SYNE2: variants seen among roughly 807,000 people sequenced by gnomAD.
SYNE2 encodes the protein nesprin-2.
In SYNE2, 431 loss-of-function variants were observed where a neutral mutation model predicts 856.3. That is an observed-to-expected ratio of 0.50 (90% CI 0.47 to 0.55). The LOEUF (loss-of-function observed/expected upper bound fraction) is 0.55. Ranked by LOEUF, SYNE2 falls within the 20% of genes least tolerant of loss-of-function variation. The pLI is 0.00. For synonymous variants in SYNE2, 2,923 were observed against 2,872.3 expected (o/e 1.02, Z -0.56); for missense variants, 8,129 against 8,023.2 (o/e 1.01, Z -0.50).
chr14:63,912,373 C>T (rs1449548267), intron 2 of SYNE2, among the ~76,000 whole-genome samples: 2 of 152,108 alleles, frequency 1.3e-5, no homozygotes, highest in Non-Finnish European at 1.5e-5. Context: ...ACAATATTAT[C>T]TGCATGAAGT....
intron 1 of SYNE2, among the ~76,000 whole-genome samples, chr14:63,803,966 C>G (rs1888260631): frequency 6.6e-6 from 1 of 152,174 alleles, no homozygotes; most frequent in African/African-American, 2.4e-5. Context: ...CTCACAAGAT[C>G]AAGTTGTTTG....
Position 64,152,607 on chromosome 14 carries a change from A to G in SYNE2, c.15683A>G (p.Glu5228Gly), listed in dbSNP as rs747343821. ...QLAIKSKALD[E>G]LKQSYLTLES... ...GCAATTAAATCCAAAGCACTAGATGAGTTGAAACAAAGTTATCTGACTTTG... is the reference window on the plus strand; with the variant it reads ...GCAATTAAATCCAAAGCACTAGATGGGTTGAAACAAAGTTATCTGACTTTG... The change falls in exon 85 of 116, where the codon GAG (glutamate) becomes GGG (glycine). Residue 5228 changes from glutamate (E) to glycine (G), a missense_variant. Coordinates refer to ENST00000555002, the MANE Select transcript of SYNE2 (RefSeq NM_182914.3). The G allele has an allele frequency of 1.2e-6, 2 of 1,614,142 alleles. No homozygotes were observed. Among genetic ancestry groups the G allele is most frequent in the South Asian group, 1.1e-5 (1 of 91,084 alleles).
intron 45 of SYNE2, among the ~76,000 whole-genome samples, chr14:64,044,260 C>A (rs1471560036): frequency 6.6e-6 from 1 of 152,174 alleles, no homozygotes; most frequent in Non-Finnish European, 1.5e-5. Flanking sequence ...TAAAATTTGA[C>A]TGCCACACTT....
At position 64,213,187 on chromosome 14, in the gene SYNE2, C is replaced by G. The variant is rs535087697; in HGVS notation, c.19056+182C>G. Among the ~76,000 whole-genome samples the G allele has an allele frequency of 5.3e-5, 8 of 152,326 alleles. No individual in the cohort carries two copies. In the South Asian group the frequency reaches 1.7e-3, roughly 32 times the overall value. On this transcript the variant is annotated intron_variant, in intron 105 of 115. Coordinates refer to ENST00000555002, the MANE Select transcript of SYNE2 (RefSeq NM_182914.3). ...TTTTATTAATATAGAGCCACAGTAA[C>G]TTACAAGTTCCCATTCCCCAGTGGA...
intron 108 of SYNE2, among the ~76,000 whole-genome samples, chr14:64,217,126 A>G (rs2098670296): frequency 6.6e-6 from 1 of 152,246 alleles, no homozygotes; most frequent in Non-Finnish European, 1.5e-5. Context: ...TAGCCCTGCC[A>G]ATCCATTGCC....
chr14:64,073,031 GA>G (rs917274550), intron 52 of SYNE2, among the ~76,000 whole-genome samples: 1 of 152,166 alleles, frequency 6.6e-6, no homozygotes, highest in African/African-American at 2.4e-5. Flanking sequence ...CTAGGTGGTG[GA>G]ACCCCCAGGC....
chr14:64,212,359 A>G (rs1161217740), intron 104 of SYNE2, among the ~76,000 whole-genome samples: 1 of 152,218 alleles, frequency 6.6e-6, no homozygotes, highest in Non-Finnish European at 1.5e-5. Flanking sequence ...TGACAGGCTA[A>G]TCTCACTGTA....
intron 76 of SYNE2, among the ~76,000 whole-genome samples, chr14:64,130,903 GA>G (rs2098012570): frequency 6.7e-6 from 1 of 148,684 alleles, no homozygotes. Context: ...AAAAAAAGAA[GA>G]AAAGGCTTTC....
In SYNE2 at chr14:63,942,056, G is replaced by A. The variant is rs2095925572; in HGVS notation, c.321G>A (p.Lys107=). The change falls in exon 6 of 116, where the codon AAG becomes AAA. Residue 107 remains lysine (K), a synonymous_variant. Transcript: ENST00000555002. The stretch of plus-strand genomic sequence containing the variant: ...CTGCACTTTTTGTTTTCCAGATTAA[G>A]CTAATAAATATTCATGTTACTGATA... ...ALTFLRNRSI[K]LINIHVTDII... The A allele has an allele frequency of 1.2e-6, 2 of 1,608,948 alleles. No individual in the cohort carries two copies. Among genetic ancestry groups the A allele is most frequent in the Non-Finnish European group, 1.7e-6 (2 of 1,175,964 alleles).
chr14:63,932,594 C>T (rs944183815), intron 2 of SYNE2, among the ~76,000 whole-genome samples: 29 of 152,072 alleles, frequency 1.9e-4, no homozygotes, highest in African/African-American at 7.0e-4. Flanking sequence ...GTCCCAGCTA[C>T]TGGGGAGGCT....
chr14:64,077,185 A>G (rs1457991586), intron 54 of SYNE2, among the ~76,000 whole-genome samples: 3 of 152,190 alleles, frequency 2.0e-5, no homozygotes, highest in Non-Finnish European at 2.9e-5. Flanking sequence ...AGGAAGTTCA[A>G]GGATCCCGGG....
intron 1 of SYNE2, among the ~76,000 whole-genome samples, chr14:63,768,560 T>G (rs1200705993): frequency 6.6e-6 from 1 of 152,160 alleles, no homozygotes; most frequent in African/African-American, 2.4e-5. Context: ...TCAGGAAACT[T>G]TTTTGCTCAG....
At chr14:63,893,197 T>G (rs1180191887) in intron 1 of SYNE2, among the ~76,000 whole-genome samples, 1 of 150,948 alleles carries the variant, frequency 6.6e-6, no homozygotes, top group African/African-American at 2.4e-5. Flanking sequence ...CTAAATTCTT[T>G]AAAAAAAAAG....
chr14:64,198,336 T>A (rs971126026), intron 99 of SYNE2, among the ~76,000 whole-genome samples: 1 of 152,208 alleles, frequency 6.6e-6, no homozygotes, highest in African/African-American at 2.4e-5. Flanking sequence ...TCAAGAGTAG[T>A]GTTAACAAGG....
rs368280098 is a variant in SYNE2 at position 63,794,098 on chromosome 14, TAAC to T, written c.-305+32117_-305+32119del. Among the ~76,000 whole-genome samples the T allele has an allele frequency of 1.4e-3, 216 of 152,302 alleles. 1 individual carries two copies. Among genetic ancestry groups the T allele is most frequent in the African/African-American group, 4.8e-3 (199 of 41,572 alleles). ...AAAAAATTATAAACATATATCCTTC[TAAC>T]AACAGAGCCCCAAATATATGAAGCA... On this transcript the variant is annotated intron_variant, in intron 1 of 23. Coordinates refer to the SYNE2 transcript ENST00000674003.
intron 45 of SYNE2, among the ~76,000 whole-genome samples, chr14:64,036,615 T>C (rs2097092541): frequency 6.6e-6 from 1 of 152,192 alleles, no homozygotes. Context: ...TCTTGACAGA[T>C]GTTTGGTCAA....
In SYNE2 at chr14:64,003,139, G is replaced by T; in HGVS notation, c.4206G>T (p.Leu1402=). ...ERGDDTSCEN[L]LDAFSIKLSE... is the part of the protein sequence containing the mutation. ...GTGATGACACCTCCTGTGAAAACCT[G>T]CTTGATGCTTTTTCAATAAAGTTAT... The change falls in exon 30 of 116, where the codon CTG becomes CTT. Residue 1402 remains leucine (L), a synonymous_variant. Transcript: ENST00000555002. The T allele has an allele frequency of 6.2e-7, 1 of 1,614,136 alleles. No homozygotes were observed. Among genetic ancestry groups the T allele is most frequent in the Non-Finnish European group, 8.5e-7 (1 of 1,179,994 alleles).
chr14:64,210,179 G>T, intron 103 of SYNE2, 55 bp downstream of exon 103: 1 of 1,582,688 alleles, frequency 6.3e-7, no homozygotes, highest in Non-Finnish European at 8.6e-7. Context: ...CATAACGCAC[G>T]ATACGCAATG....
chr14:63,904,803 C>G (rs1181032868), intron 1 of SYNE2, among the ~76,000 whole-genome samples: 2 of 151,942 alleles, frequency 1.3e-5, no homozygotes, highest in South Asian at 4.1e-4. Context: ...CGCAGGAACT[C>G]TTTAATTAGA....
Sources: gnomAD v4.1 joint callset for allele counts (sites outside exome capture counted in the v4.1 genomes callset) on GRCh38, gnomAD v4.1.1 for gene constraint, MANE v1.5 for transcripts, NCBI Gene and HGNC (gene_info 2026-07-23, HGNC 2026-07-21) for gene names.